The following RBM20 variants were observed in gnomAD, a reference collection of about 807,000 sequenced individuals.
The protein encoded by RBM20 is RNA binding motif protein 20, also known as RNA-binding protein 20.
A neutral mutation model predicts 110.1 loss-of-function variants in RBM20; 51 were observed. That is an observed-to-expected ratio of 0.46 (90% confidence interval 0.37 to 0.59). The LOEUF (loss-of-function observed/expected upper bound fraction) is 0.59. RBM20 is among the 20% of genes least tolerant of loss of function. RBM20 has a pLI of 0.00. For synonymous variants in RBM20, 589 were observed against 618.2 expected, an observed-to-expected ratio of 0.95 and a Z score of 0.70; for missense variants, 1,512 against 1,574.9, an observed-to-expected ratio of 0.96 and a Z score of 0.68.
At chr10:110,805,346 G>A (rs1844681109) in intron 7 of RBM20, among the ~76,000 whole-genome samples, 1 of 152,174 alleles carries the variant, frequency 6.6e-6, no homozygotes, top group Non-Finnish European at 1.5e-5. Context: ...ATGATGTCGA[G>A]CCTAGAAAGC....
chr10:110,689,087 T>C (rs1416261316), intron 1 of RBM20, among the ~76,000 whole-genome samples: 1 of 152,210 alleles, frequency 6.6e-6, no homozygotes, highest in African/African-American at 2.4e-5. Context: ...TTGTATGAAA[T>C]AATATAGAAG....
intron 1 of RBM20, among the ~76,000 whole-genome samples, chr10:110,762,073 C>T: frequency 6.6e-6 from 1 of 152,156 alleles, no homozygotes. Context: ...CTGGGAGGTG[C>T]TTTAGTGGAA....
chr10:110,667,158 C>T (rs554054118), intron 1 of RBM20, among the ~76,000 whole-genome samples: 1 of 152,328 alleles, frequency 6.6e-6, no homozygotes, highest in Non-Finnish European at 1.5e-5. Context: ...ATGCTTACCA[C>T]AGTGCCTGGC....
At chr10:110,817,901 C>T (rs1844859913) in intron 9 of RBM20, among the ~76,000 whole-genome samples, 2 of 152,322 alleles carry the variant, frequency 1.3e-5, no homozygotes, top group Non-Finnish European at 1.5e-5. Context: ...AGGGCCTACA[C>T]TATGCAGGGC....
chr10:110,834,714 G>A (rs114158418), intron 13 of RBM20, among the ~76,000 whole-genome samples: 4,583 of 152,258 alleles, frequency 0.03, 223 homozygotes, highest in African/African-American at 0.1. Context: ...TTGAACCCAG[G>A]TCATATGACT....
chr10:110,716,850 G>C (rs1863026165), intron 1 of RBM20, among the ~76,000 whole-genome samples: 1 of 151,444 alleles, frequency 6.6e-6, no homozygotes, highest in South Asian at 2.1e-4. Flanking sequence ...CTGGGAGGTG[G>C]AGCTTGCAGT....
chr10:110,791,737 G>T (rs1000533640), intron 5 of RBM20, among the ~76,000 whole-genome samples: 4 of 152,178 alleles, frequency 2.6e-5, no homozygotes, highest in Non-Finnish European at 4.4e-5. Context: ...GATCCCATGT[G>T]GGGGCACTCA....
intron 1 of RBM20, among the ~76,000 whole-genome samples, chr10:110,777,943 A>C (rs1450924086): frequency 1.3e-5 from 2 of 152,236 alleles, no homozygotes; most frequent in African/African-American, 4.8e-5. Context: ...CACGGTTTTG[A>C]GTTAAGCTTA....
chr10:110,669,970 A>G (rs1373153378), intron 1 of RBM20, among the ~76,000 whole-genome samples: 1 of 152,080 alleles, frequency 6.6e-6, no homozygotes, highest in East Asian at 1.9e-4. Flanking sequence ...ATTCGATTTC[A>G]CCCTATTTAG....
intron 1 of RBM20, among the ~76,000 whole-genome samples, chr10:110,747,032 TCCATTG>T (rs1486585275): frequency 6.6e-6 from 1 of 152,222 alleles, no homozygotes; most frequent in Non-Finnish European, 1.5e-5. Context: ...TGCAGTCTAG[TCCATTG>T]TATTGTGCCA....
rs528357510 is a variant in RBM20, at chr10:110,731,968, A to G, written c.192-48833A>G. On this transcript the variant is annotated intron_variant, in intron 1 of 13. Coordinates refer to ENST00000369519, the MANE Select transcript of RBM20 (RefSeq NM_001134363.3). The stretch of plus-strand genomic sequence containing the variant: ...CTCACATTCATGGACCTTCAGGTCC[A>G]TCTTCTCCATGTGCACCTTCAGCAC... Among the ~76,000 whole-genome samples the G allele has an allele frequency of 7.9e-5, 12 of 152,318 alleles. No individual in the cohort carries two copies. In the South Asian group the frequency reaches 2.5e-3, roughly 32 times the overall value.
chr10:110,790,090 G>A (rs969143116), intron 5 of RBM20, among the ~76,000 whole-genome samples: 1 of 152,126 alleles, frequency 6.6e-6, no homozygotes, highest in African/African-American at 2.4e-5. Context: ...CTGCACATTG[G>A]GGAACTTGTA....
intron 1 of RBM20, among the ~76,000 whole-genome samples, chr10:110,699,128 CG>C (rs745604000): frequency 1.3e-5 from 2 of 151,934 alleles, no homozygotes; most frequent in Non-Finnish European, 2.9e-5. Context: ...CCATGTTAGA[CG>C]GGGGCTCCAC....
intron 1 of RBM20, among the ~76,000 whole-genome samples, chr10:110,724,301 G>A (rs1189640128): frequency 1.3e-5 from 2 of 152,200 alleles, no homozygotes; most frequent in African/African-American, 4.8e-5. Flanking sequence ...CAGACTACCT[G>A]TAAAACATCT....
chr10:110,781,578 T>A lies in RBM20; in HGVS notation c.969T>A (p.His323Gln). The A allele has an allele frequency of 6.4e-7, 1 of 1,551,562 alleles. No homozygotes were observed. Among genetic ancestry groups the A allele is most frequent in the Non-Finnish European group, 8.7e-7 (1 of 1,146,942 alleles). ...QGTNSQWESP[H>Q]GFSGQSKPDL... ...CAAACAGCCAATGGGAGAGCCCCCA[T>A]GGATTCTCGGGCCAAAGCAAGCCTG... The change falls in exon 2 of 14, where the codon CAT becomes CAA. Residue 323 changes from histidine to glutamine, a missense_variant. His to Gln is a conservative substitution (Grantham distance 24, BLOSUM62 0). Transcript: ENST00000369519.
At chr10:110,749,817 C>T (rs994632472) in intron 1 of RBM20, among the ~76,000 whole-genome samples, 3 of 151,956 alleles carry the variant, frequency 2.0e-5, no homozygotes, top group African/African-American at 7.3e-5. Flanking sequence ...GATACTAGAT[C>T]TGCATCTCAC....
chr10:110,732,174 C>T (rs1459183680), intron 1 of RBM20, among the ~76,000 whole-genome samples: 2 of 151,982 alleles, frequency 1.3e-5, no homozygotes, highest in Non-Finnish European at 2.9e-5. Context: ...TTCAATATTC[C>T]CATGTTGCAG....
chr10:110,776,643 C>G (rs1355902839), intron 1 of RBM20, among the ~76,000 whole-genome samples: 1 of 152,236 alleles, frequency 6.6e-6, no homozygotes, highest in Non-Finnish European at 1.5e-5. Context: ...CTTAGAAGGA[C>G]TCTTGTGATT....
chr10:110,756,709 C>T (rs1345798744), intron 1 of RBM20: 1 of 152,184 alleles, frequency 6.6e-6, no homozygotes, highest in Non-Finnish European at 1.5e-5. Flanking sequence ...AAGGTGGGAG[C>T]TAATCTTTCT....
Sources: gnomAD v4.1 joint callset for allele counts (sites outside exome capture counted in the v4.1 genomes callset) on GRCh38, gnomAD v4.1.1 for gene constraint, MANE v1.5 for transcripts, NCBI Gene and HGNC (gene_info 2026-07-23, HGNC 2026-07-21) for gene names.